The following ZNF385D variants were observed in gnomAD, a reference collection of about 807,000 sequenced individuals.
The protein encoded by ZNF385D is zinc finger protein 659.
In ZNF385D, 15 loss-of-function variants were observed where a neutral mutation model predicts 35.8. The observed-to-expected ratio is 0.42, with a 90% CI of 0.28 to 0.64. ZNF385D has a LOEUF of 0.64. Among genes scored for constraint, ZNF385D ranks in the 30% least tolerant of loss-of-function variants. The pLI is 0.23. For synonymous variants in ZNF385D, 212 were observed against 186.8 expected (o/e 1.13, Z -1.10); for missense variants, 474 against 494.6 (o/e 0.96, Z 0.39).
chr3:21,737,466 TACACACAC>T (rs1553648227), intron 1 of ZNF385D, among the ~76,000 whole-genome samples: 13 of 149,072 alleles, frequency 8.7e-5, no homozygotes, highest in Admixed American at 1.4e-4. Flanking sequence ...GGGATATATA[TACACACAC>T]ACACACACAC....
At chr3:21,599,341 G>C (rs1031575399) in intron 2 of ZNF385D, among the ~76,000 whole-genome samples, 11 of 152,206 alleles carry the variant, frequency 7.2e-5, no homozygotes, top group African/African-American at 2.7e-4. Context: ...CTGCATGAAT[G>C]AATGAGGTGT....
chr3:21,627,248 T>TGG (rs2065160221), intron 2 of ZNF385D, among the ~76,000 whole-genome samples: 1 of 50,862 alleles, frequency 2.0e-5, no homozygotes, highest in African/African-American at 3.8e-5. Context: ...AGGTGTAGGG[T>TGG]GTGTGTGTGT....
chr3:22,143,029 A>G (rs1382418155), intron 3 of ZNF385D, among the ~76,000 whole-genome samples: 3 of 150,986 alleles, frequency 2.0e-5, no homozygotes, highest in Non-Finnish European at 4.4e-5. Flanking sequence ...AAAAAAAAAG[A>G]GATTCATTTG....
chr3:21,473,860 T>G (rs962056733), intron 4 of ZNF385D, among the ~76,000 whole-genome samples: 3 of 152,138 alleles, frequency 2.0e-5, no homozygotes, highest in African/African-American at 7.2e-5. Context: ...TCACCCATTT[T>G]CTTCTATTAA....
At chr3:22,359,962 C>T (rs555077718) in intron 2 of ZNF385D, among the ~76,000 whole-genome samples, 17 of 151,770 alleles carry the variant, frequency 1.1e-4, no homozygotes, top group African/African-American at 3.4e-4. Context: ...AGTTCTTAAA[C>T]GTATGTATGG....
intron 2 of ZNF385D, among the ~76,000 whole-genome samples, chr3:22,247,248 GAA>G (rs1699833462): frequency 6.6e-6 from 1 of 151,468 alleles, no homozygotes; most frequent in Non-Finnish European, 1.5e-5. Flanking sequence ...CTGATTAAAA[GAA>G]AAAATAATCA....
intron 2 of ZNF385D, among the ~76,000 whole-genome samples, chr3:22,300,320 CAG>C (rs752071070): frequency 6.6e-6 from 1 of 151,082 alleles, no homozygotes; most frequent in Non-Finnish European, 1.5e-5. Flanking sequence ...AGTGTAAAGC[CAG>C]AGACTATAAA....
chr3:21,951,233 T>C (rs1308299499), intron 3 of ZNF385D, among the ~76,000 whole-genome samples: 1 of 151,756 alleles, frequency 6.6e-6, no homozygotes, highest in Non-Finnish European at 1.5e-5. Flanking sequence ...GAGCAGTGGT[T>C]TGTAGTTCTC....
chr3:22,229,934 C>A (rs528720083), intron 2 of ZNF385D, among the ~76,000 whole-genome samples: 1 of 152,140 alleles, frequency 6.6e-6, no homozygotes, highest in East Asian at 1.9e-4. Flanking sequence ...CCATTTGTAG[C>A]GCATAATCCA....
chr3:22,363,231 G>A (rs556778230), intron 2 of ZNF385D, among the ~76,000 whole-genome samples: 1 of 152,070 alleles, frequency 6.6e-6, no homozygotes, highest in Admixed American at 6.5e-5. Context: ...AATTTTCTCA[G>A]ATTCCCCAAA....
intron 3 of ZNF385D, among the ~76,000 whole-genome samples, chr3:21,928,959 A>G (rs1157019611): frequency 6.6e-6 from 1 of 152,176 alleles, no homozygotes; most frequent in Admixed American, 6.5e-5. Flanking sequence ...AGGTGAGAAC[A>G]TTTAACAACT....
intron 1 of ZNF385D, among the ~76,000 whole-genome samples, chr3:21,722,564 C>T (rs1017368957): frequency 2.0e-5 from 3 of 152,210 alleles, no homozygotes; most frequent in East Asian, 1.9e-4. Flanking sequence ...AGTAATAAGG[C>T]GTGGGCGCCA....
chr3:22,328,735 C>T (rs1355885251), intron 2 of ZNF385D, among the ~76,000 whole-genome samples: 2 of 149,906 alleles, frequency 1.3e-5, no homozygotes, highest in Admixed American at 6.7e-5. Context: ...GCACTCAAGC[C>T]TGGTGACACA....
intron 3 of ZNF385D, among the ~76,000 whole-genome samples, chr3:21,864,731 C>T (rs1697241036): frequency 6.6e-6 from 1 of 152,020 alleles, no homozygotes; most frequent in South Asian, 2.1e-4. Flanking sequence ...CTCTCCATTC[C>T]AATATTTATT....
At chr3:22,038,696 T>G (rs953786758) in intron 3 of ZNF385D, among the ~76,000 whole-genome samples, 19 of 151,928 alleles carry the variant, frequency 1.3e-4, no homozygotes, top group African/African-American at 4.3e-4. Context: ...AAACAAAAAG[T>G]TAAATATGTT....
chr3:22,002,545 T>C lies in ZNF385D; in HGVS notation c.325+166272A>G, dbSNP rs780693793. On this transcript the variant is annotated intron_variant, in intron 3 of 5. Coordinates refer to the ZNF385D transcript ENST00000494108. ...ACTCTTCTCTATCTATTCCAAAAATTGAAGAGAAGGGAATTCTTTCTAACT... is the reference window on the plus strand; with the variant it reads ...ACTCTTCTCTATCTATTCCAAAAATCGAAGAGAAGGGAATTCTTTCTAACT... Among the ~76,000 whole-genome samples the C allele has an allele frequency of 1.4e-4, 22 of 152,130 alleles. No homozygotes were observed. In the South Asian group the frequency reaches 1.5e-3, roughly 10 times the overall value.
At chr3:22,235,672 A>G (rs1576541377) in intron 2 of ZNF385D, among the ~76,000 whole-genome samples, 1 of 152,162 alleles carries the variant, frequency 6.6e-6, no homozygotes, top group Non-Finnish European at 1.5e-5. Flanking sequence ...ATGCTCAAGT[A>G]TATTTGGAGT....
intron 2 of ZNF385D, among the ~76,000 whole-genome samples, chr3:21,661,519 T>C (rs1185513678): frequency 6.6e-6 from 1 of 152,160 alleles, no homozygotes; most frequent in Admixed American, 6.6e-5. Flanking sequence ...ATCTATCTAC[T>C]CCCATGACTG....
chr3:21,782,224 G>A (rs114242995), intron 3 of ZNF385D, among the ~76,000 whole-genome samples: 1,842 of 152,210 alleles, frequency 0.012, 15 homozygotes, highest in Middle Eastern at 0.02. Flanking sequence ...CCCCAGCAAG[G>A]AAGAAGACAG....
Sources: gnomAD v4.1 joint callset for allele counts (sites outside exome capture counted in the v4.1 genomes callset) on GRCh38, gnomAD v4.1.1 for gene constraint, MANE v1.5 for transcripts, NCBI Gene and HGNC (gene_info 2026-07-23, HGNC 2026-07-21) for gene names.